Variants in B3GALT1 observed in about 807,000 individuals in gnomAD.
The protein encoded by B3GALT1 is beta-1,3-galactosyltransferase 1.
A neutral mutation model predicts 23.2 loss-of-function variants in B3GALT1; 10 were observed. The observed-to-expected ratio is 0.43, with a 90% confidence interval of 0.27 to 0.73. The LOEUF is 0.73. Among genes scored for constraint, B3GALT1 ranks in the 30% least tolerant of loss-of-function variants. The pLI, the probability that B3GALT1 is intolerant of heterozygous loss-of-function variation, is 0.21. For missense variants in B3GALT1, 299 were observed against 405.4 expected (o/e 0.74, Z 2.25); for synonymous variants, 156 against 141.5 (o/e 1.10, Z -0.73).
At chr2:167,303,584 A>G (rs184382012) in intron 1 of B3GALT1, among the ~76,000 whole-genome samples, 2 of 151,804 alleles carry the variant, frequency 1.3e-5, no homozygotes, top group African/African-American at 4.8e-5. Flanking sequence ...AGGAAGGGCA[A>G]ATAGCTCTTT....
chr2:167,340,147 A>C (rs1037988155), intron 1 of B3GALT1, among the ~76,000 whole-genome samples: 1 of 152,140 alleles, frequency 6.6e-6, no homozygotes, highest in South Asian at 2.1e-4. Flanking sequence ...GGGAAGGTAC[A>C]TGAGATCAAT....
chr2:167,592,873 A>G (rs143099863), intron 2 of B3GALT1, among the ~76,000 whole-genome samples: 1 of 152,292 alleles, frequency 6.6e-6, no homozygotes, highest in Admixed American at 6.5e-5. Flanking sequence ...ACTGCAAAGG[A>G]TCAGAACAGA....
At chr2:167,783,980 C>T (rs1688294228) in intron 3 of B3GALT1, among the ~76,000 whole-genome samples, 1 of 152,124 alleles carries the variant, frequency 6.6e-6, no homozygotes, top group Non-Finnish European at 1.5e-5. Context: ...GGGGAGGAGC[C>T]AGCAGTGGTG....
intron 2 of B3GALT1, among the ~76,000 whole-genome samples, chr2:167,627,116 G>A (rs543362761): frequency 8.6e-5 from 13 of 151,576 alleles, no homozygotes; most frequent in Non-Finnish European, 1.9e-4. Context: ...GGGTCACCAG[G>A]GCTCAGGTCT....
chr2:167,317,351 G>A (rs1482548464), intron 1 of B3GALT1, among the ~76,000 whole-genome samples: 1 of 152,134 alleles, frequency 6.6e-6, no homozygotes, highest in Non-Finnish European at 1.5e-5. Flanking sequence ...GGCTCAGCGA[G>A]CCTCTTGTGG....
chr2:167,416,185 T>A (rs1698467232), intron 1 of B3GALT1, among the ~76,000 whole-genome samples: 1 of 152,142 alleles, frequency 6.6e-6, no homozygotes, highest in South Asian at 2.1e-4. Context: ...CTCTCTTCCA[T>A]CACAGGCCCA....
rs746560546 is a variant in B3GALT1 at position 167,770,097 on chromosome 2, T to TTTTTG, written c.-351-48555_-351-48551dup. Among the ~76,000 whole-genome samples the TTTTTG allele has an allele frequency of 6.3e-4, 96 of 152,218 alleles. 1 individual carries two copies. The highest frequency in any genetic ancestry group is 2.2e-3 in the Admixed American group (33 of 15,284). On this transcript the variant is annotated intron_variant, in intron 3 of 4. Coordinates refer to ENST00000392690, the MANE Select transcript of B3GALT1 (RefSeq NM_020981.4). The stretch of plus-strand genomic sequence containing the variant: ...TGCTGTGTTTGTATGTTTATTTAGG[T>TTTTTG]TTTTGTTTTGTTTTGTTTTGTTTTT...
At chr2:167,775,839 T>C (rs962611791) in intron 3 of B3GALT1, among the ~76,000 whole-genome samples, 13 of 152,072 alleles carry the variant, frequency 8.5e-5, no homozygotes, top group Non-Finnish European at 1.6e-4. Context: ...TTTCACTACA[T>C]ACAGAGCTTT....
intron 3 of B3GALT1, among the ~76,000 whole-genome samples, chr2:167,680,414 A>G (rs545953274): frequency 1.3e-4 from 17 of 133,990 alleles, no homozygotes; most frequent in African/African-American, 4.5e-4. Flanking sequence ...ATTGAGAGAG[A>G]GAGAGAGAGA....
intron 3 of B3GALT1, among the ~76,000 whole-genome samples, chr2:167,756,181 G>A (rs963570605): frequency 3.3e-5 from 5 of 151,260 alleles, no homozygotes; most frequent in African/African-American, 1.2e-4. Context: ...CCGCCCCCCA[G>A]GATGCTTCTC....
intron 3 of B3GALT1, among the ~76,000 whole-genome samples, chr2:167,794,368 C>CAGGAAGT (rs2105332230): frequency 6.6e-6 from 1 of 152,162 alleles, no homozygotes; most frequent in East Asian, 1.9e-4. Flanking sequence ...TGCTTTAGTT[C>CAGGAAGT]AGGAAGTAAA....
At chr2:167,631,949 C>G (rs551719626) in intron 2 of B3GALT1, among the ~76,000 whole-genome samples, 7 of 151,834 alleles carry the variant, frequency 4.6e-5, no homozygotes, top group African/African-American at 1.2e-4. Context: ...TCCCCTACCC[C>G]CCACCCACTG....
chr2:167,661,197 C>A (rs888978799), intron 3 of B3GALT1, among the ~76,000 whole-genome samples: 2 of 152,046 alleles, frequency 1.3e-5, no homozygotes, highest in African/African-American at 4.8e-5. Context: ...AACGTTGTCA[C>A]CCTCTTATCC....
At chr2:167,649,057 G>GT (rs1356776257) in intron 3 of B3GALT1, among the ~76,000 whole-genome samples, 9 of 151,920 alleles carry the variant, frequency 5.9e-5, no homozygotes, top group Non-Finnish European at 7.4e-5. Flanking sequence ...AGCAAATAAT[G>GT]TTTTTTTATT....
At chr2:167,414,457 A>G (rs1698437600) in intron 1 of B3GALT1, among the ~76,000 whole-genome samples, 1 of 152,162 alleles carries the variant, frequency 6.6e-6, no homozygotes, top group South Asian at 2.1e-4. Flanking sequence ...TTTGTTCACT[A>G]TGTGTTACAT....
chr2:167,311,702 A>C (rs192205759), intron 1 of B3GALT1, among the ~76,000 whole-genome samples: 122 of 152,190 alleles, frequency 8.0e-4, no homozygotes, highest in Admixed American at 1.4e-3. Context: ...GAAATGCTGT[A>C]ATTGAAACTA....
chr2:167,349,425 G>T (rs1458437809), intron 1 of B3GALT1, among the ~76,000 whole-genome samples: 1 of 152,054 alleles, frequency 6.6e-6, no homozygotes, highest in Non-Finnish European at 1.5e-5. Context: ...TAGTGATGCT[G>T]GCAATTCGGA....
At chr2:167,338,119 C>T (rs757012460) in intron 1 of B3GALT1, among the ~76,000 whole-genome samples, 12 of 152,124 alleles carry the variant, frequency 7.9e-5, no homozygotes, top group Non-Finnish European at 1.6e-4. Flanking sequence ...CCTAATTTCT[C>T]GTTTTAGGAA....
At chr2:167,574,416 A>G (rs1047787892) in intron 2 of B3GALT1, among the ~76,000 whole-genome samples, 6 of 151,748 alleles carry the variant, frequency 4.0e-5, no homozygotes, top group African/African-American at 1.4e-4. Context: ...GGACCATTTG[A>G]TCAAATTAAG....
Sources: gnomAD v4.1 joint callset for allele counts (sites outside exome capture counted in the v4.1 genomes callset) on GRCh38, gnomAD v4.1.1 for gene constraint, MANE v1.5 for transcripts, NCBI Gene and HGNC (gene_info 2026-07-23, HGNC 2026-07-21) for gene names.